HTT: variants seen among roughly 807,000 people sequenced by gnomAD.
HTT encodes huntingtin.
In HTT, 104 loss-of-function variants were observed where a neutral mutation model predicts 362.3. The observed-to-expected ratio is 0.29, with a 90% CI of 0.24 to 0.34. HTT has a LOEUF of 0.34. HTT is among the 10% of genes least tolerant of loss of function. HTT has a pLI of 1.00. For missense variants in HTT, 3,301 were observed against 3,928.6 expected, an observed-to-expected ratio of 0.84 and a Z score of 4.27; for synonymous variants, 1,577 against 1,548.7, an observed-to-expected ratio of 1.02 and a Z score of -0.43.
chr4:3,137,984 C>G (rs939010618), intron 21 of HTT, among the ~76,000 whole-genome samples: 8 of 152,154 alleles, frequency 5.3e-5, no homozygotes, highest in African/African-American at 1.9e-4. Flanking sequence ...GTCTTCATTT[C>G]TCTTGAGTAG....
At chr4:3,131,048 A>G (rs1715786922) in intron 14 of HTT, among the ~76,000 whole-genome samples, 1 of 151,806 alleles carries the variant, frequency 6.6e-6, no homozygotes, top group Non-Finnish European at 1.5e-5. Flanking sequence ...CCCTCCCTGC[A>G]TGCTGCATTT....
At chr4:3,199,083 C>T (rs887130890) in intron 40 of HTT, among the ~76,000 whole-genome samples, 10 of 152,324 alleles carry the variant, frequency 6.6e-5, no homozygotes, top group Admixed American at 6.5e-4. Flanking sequence ...GGCCCGAGTG[C>T]AGTGATTCGA....
At chr4:3,201,453 C>T (rs1719525223) in intron 41 of HTT, among the ~76,000 whole-genome samples, 1 of 147,358 alleles carries the variant, frequency 6.8e-6, no homozygotes, top group African/African-American at 2.5e-5. Context: ...TCGCTTGAAC[C>T]TAGGAGGAAA....
intron 40 of HTT, among the ~76,000 whole-genome samples, chr4:3,192,294 T>A (rs557921448): frequency 1.8e-4 from 27 of 152,008 alleles, no homozygotes; most frequent in Non-Finnish European, 3.1e-4. Context: ...CCCAGGCGGG[T>A]CTTTAACTCT....
intron 12 of HTT, chr4:3,128,469 A>AT (rs1295629926): frequency 1.3e-5 from 2 of 152,174 alleles, no homozygotes; most frequent in Non-Finnish European, 2.9e-5. Flanking sequence ...TGCATTTTAC[A>AT]TTTTTTAAGG....
At chr4:3,195,208 A>T (rs1463977238) in intron 40 of HTT, among the ~76,000 whole-genome samples, 1 of 151,806 alleles carries the variant, frequency 6.6e-6, no homozygotes, top group Non-Finnish European at 1.5e-5. Flanking sequence ...CCCAGCCCAG[A>T]GAGGTTTCTG....
At chr4:3,103,983 C>A in intron 4 of HTT, 100 bp downstream of exon 4, 1 of 712,802 alleles carries the variant, frequency 1.4e-6, no homozygotes. Context: ...TTATGGGGTA[C>A]ATGAGATATT....
rs1169985653 is a variant in HTT at position 3,241,745 on chromosome 4, G to A, written c.*1686G>A. ...ACTTGTATGCTGCCCACATACGTGA[G>A]GGGGAGCTGAAAGGGAGCCCCTCCT... is the stretch of plus-strand genomic sequence containing the variant. On this transcript the variant is annotated 3_prime_UTR_variant, in exon 67 of 67. Transcript: ENST00000355072. 1 of 152,248 alleles carries A rather than the reference G, an allele frequency of 6.6e-6. No individual in the cohort carries two copies. The highest frequency in any genetic ancestry group is 1.5e-5 in the Non-Finnish European group (1 of 68,064). 9.4% of individuals were successfully genotyped at this position (152,248 alleles called of 1,614,324 possible).
At chr4:3,155,613 G>C (rs1256266897) in intron 27 of HTT, among the ~76,000 whole-genome samples, 8 of 150,946 alleles carry the variant, frequency 5.3e-5, no homozygotes, top group Non-Finnish European at 1.2e-4. Flanking sequence ...CAGGCGTGGT[G>C]GCTCACACCT....
chr4:3,130,447 A>G, intron 14 of HTT, 24 bp downstream of exon 14: 1 of 1,303,838 alleles, frequency 7.7e-7, no homozygotes, highest in Non-Finnish European at 1.1e-6. Flanking sequence ...GCTTGAGACG[A>G]CTTGGTGTTT....
At chr4:3,219,604 G>A (rs1030071304) in intron 52 of HTT, among the ~76,000 whole-genome samples, 3 of 152,134 alleles carry the variant, frequency 2.0e-5, no homozygotes, top group Non-Finnish European at 4.4e-5. Context: ...GAATCCTGGG[G>A]TTCCGTTGGG....
At chr4:3,139,314 C>T (rs896499525) in intron 21 of HTT, among the ~76,000 whole-genome samples, 1 of 152,192 alleles carries the variant, frequency 6.6e-6, no homozygotes, top group African/African-American at 2.4e-5. Flanking sequence ...TTTCCTGCCT[C>T]AGCCTCCCAA....
At position 3,225,790 on chromosome 4, in the gene HTT, C is replaced by G. The variant is rs1257505605; in HGVS notation, c.7848+47C>G. On this transcript the variant is annotated intron_variant, in intron 57 of 66. Transcript: ENST00000355072. ...CCTGGCCTCTGTCCGTTTCTGTCCTCAGACTTTGGCGCTTGACACACCCAG... is the reference window on the plus strand; with the variant it reads ...CCTGGCCTCTGTCCGTTTCTGTCCTGAGACTTTGGCGCTTGACACACCCAG... 7.6e-6 allele frequency: 11 copies of G among 1,450,948 alleles called. No homozygotes were observed. The African/African-American group carries it at 8.4e-5, about 11-fold the overall frequency. The allele number at this position is 1,450,948 out of a possible 1,614,324, so 89.9% of individuals were successfully genotyped here. A position where few individuals can be genotyped will look rare whatever the true frequency, so the allele number is the denominator to read the frequency against.
At chr4:3,222,363 C>G (rs1187151537) in intron 53 of HTT, 24 bp from the exon 54 acceptor site, 1 of 1,596,372 alleles carries the variant, frequency 6.3e-7, no homozygotes, top group Non-Finnish European at 8.6e-7. Context: ...TTGACACTCT[C>G]TCATGTAACA....
At chr4:3,091,200 A>C (rs1713488004) in intron 2 of HTT, among the ~76,000 whole-genome samples, 1 of 152,236 alleles carries the variant, frequency 6.6e-6, no homozygotes, top group South Asian at 2.1e-4. Flanking sequence ...TGGATGTTAA[A>C]ACAGGTATAG....
At chr4:3,225,838 TA>T in intron 57 of HTT, 95 bp downstream of exon 57, 1 of 797,634 alleles carries the variant, frequency 1.3e-6, no homozygotes, top group Admixed American at 3.2e-5. Context: ...GTGCACTTTT[TA>T]AATGAAAGGA....
At chr4:3,215,297 T>A in intron 51 of HTT, 86 bp downstream of exon 51, 1 of 963,868 alleles carries the variant, frequency 1.0e-6, no homozygotes, top group Non-Finnish European at 1.6e-6. Context: ...GCGGTGAGTG[T>A]GGACTCCTGG....
rs756339121 is a variant in HTT, at chr4:3,238,949, C to T, written c.9186C>T (p.Ser3062=). 1.3e-5 allele frequency: 21 copies of T among 1,608,882 alleles called. No individual in the cohort carries two copies. The highest frequency in any genetic ancestry group is 6.7e-5 in the Admixed American group (4 of 59,690). Reference sequence around the variant, plus strand: ...GGAGCCTCTCCTGCTTCTTTGTCAGCGCGTCCACCAGCCCGTGGGTCGCGG... The same window carrying T: ...GGAGCCTCTCCTGCTTCTTTGTCAGTGCGTCCACCAGCCCGTGGGTCGCGG... ...ATWSLSCFFV[S]ASTSPWVAAI... The change falls in exon 66 of 67, where the codon AGC becomes AGT. Residue 3062 remains serine, a synonymous_variant. Transcript: ENST00000355072.
chr4:3,153,425 C>CA (rs2110210996), intron 26 of HTT, among the ~76,000 whole-genome samples: 1 of 152,300 alleles, frequency 6.6e-6, no homozygotes, highest in East Asian at 1.9e-4. Flanking sequence ...ATCTTGCCTT[C>CA]ACTCTGCTCC....
Sources: gnomAD v4.1 joint callset for allele counts (sites outside exome capture counted in the v4.1 genomes callset) on GRCh38, gnomAD v4.1.1 for gene constraint, MANE v1.5 for transcripts, NCBI Gene and HGNC (gene_info 2026-07-23, HGNC 2026-07-21) for gene names.